The following TG variants were observed in gnomAD, a reference collection of about 807,000 sequenced individuals.
The protein encoded by TG is thyroglobulin.
Under a neutral mutation model 324.7 loss-of-function variants are expected in TG, and 270 were observed. That is an observed-to-expected ratio of 0.83 (90% CI 0.75 to 0.92). The LOEUF is 0.92. TG is among the 40% of genes least tolerant of loss of function. The pLI is 0.00. For missense variants in TG, 3,591 were observed against 3,456.4 expected (o/e 1.04, Z -0.98); for synonymous variants, 1,401 against 1,327.0 (o/e 1.06, Z -1.21).
At chr8:133,071,123 T>C (rs1048516955) in intron 41 of TG, among the ~76,000 whole-genome samples, 3 of 152,152 alleles carry the variant, frequency 2.0e-5, no homozygotes, top group Non-Finnish European at 4.4e-5. Context: ...GTGCCGTCCC[T>C]TGATGAGGCT....
intron 41 of TG, among the ~76,000 whole-genome samples, chr8:133,083,043 T>A (rs989594841): frequency 2.6e-5 from 4 of 152,190 alleles, no homozygotes; most frequent in African/African-American, 9.6e-5. Context: ...GGGAGAGCGA[T>A]GAGTAGGCAG....
At chr8:132,922,130 A>AAGAAACGTG (rs1821193901) in intron 21 of TG, among the ~76,000 whole-genome samples, 1 of 152,244 alleles carries the variant, frequency 6.6e-6, no homozygotes, top group South Asian at 2.1e-4. Context: ...TGACAGAGAA[A>AAGAAACGTG]AGAAACGTGT....
At chr8:132,961,198 G>A (rs1827711653) in intron 28 of TG, 125 bp downstream of exon 28, 2 of 970,620 alleles carry the variant, frequency 2.1e-6, no homozygotes, top group Admixed American at 3.9e-5. Flanking sequence ...CTTTCCAAAT[G>A]CATACTTTCT....
chr8:133,029,284 A>G (rs1836397092), intron 40 of TG, among the ~76,000 whole-genome samples: 1 of 152,188 alleles, frequency 6.6e-6, no homozygotes, highest in South Asian at 2.1e-4. Flanking sequence ...ATTCTATGAA[A>G]AAGGAAAGAG....
intron 40 of TG, among the ~76,000 whole-genome samples, chr8:133,027,571 T>C (rs1051199598): frequency 2.0e-5 from 3 of 152,202 alleles, no homozygotes. Context: ...GATAGCCTCA[T>C]GGCCCATCTT....
At chr8:132,878,631 A>AG (rs1563897332) in intron 5 of TG, among the ~76,000 whole-genome samples, 2 of 151,492 alleles carry the variant, frequency 1.3e-5, no homozygotes. Flanking sequence ...CAAAAAAAAA[A>AG]CAAAAAGTGT....
At chr8:133,126,267 A>G (rs1295610410) in intron 45 of TG, among the ~76,000 whole-genome samples, 2 of 152,226 alleles carry the variant, frequency 1.3e-5, no homozygotes, top group Admixed American at 1.3e-4. Flanking sequence ...TCTGGGATCC[A>G]TGAAAATGGA....
intron 41 of TG, among the ~76,000 whole-genome samples, chr8:133,036,152 T>TG (rs1290357016): frequency 4.6e-5 from 7 of 152,244 alleles, no homozygotes; most frequent in Non-Finnish European, 2.9e-5. Flanking sequence ...CTGCTCATCT[T>TG]TCAGGCCTCA....
intron 28 of TG, among the ~76,000 whole-genome samples, chr8:132,962,183 G>T (rs1258716136): frequency 6.6e-6 from 1 of 152,078 alleles, no homozygotes; most frequent in Non-Finnish European, 1.5e-5. Context: ...AAAATGAAAA[G>T]GAAGGTGTTT....
At chr8:133,022,258 A>G (rs747390454) in intron 40 of TG, 108 bp downstream of exon 40, 20 of 1,486,904 alleles carry the variant, frequency 1.3e-5, no homozygotes, top group Non-Finnish European at 1.8e-5. Context: ...CAGCCAAGCT[A>G]GGCACACAGT....
At chr8:132,905,056 C>T (rs1194487208) in intron 16 of TG, among the ~76,000 whole-genome samples, 1 of 152,154 alleles carries the variant, frequency 6.6e-6, no homozygotes, top group Non-Finnish European at 1.5e-5. Context: ...TTGTGGGGAA[C>T]ATTATATGAA....
At chr8:132,945,682 G>C (rs751555972) in intron 26 of TG, among the ~76,000 whole-genome samples, 2 of 152,148 alleles carry the variant, frequency 1.3e-5, no homozygotes, top group Non-Finnish European at 2.9e-5. Context: ...AGCTGATCTT[G>C]ATGAACAGCT....
Position 132,971,823 on chromosome 8 carries a change from C to T in TG, c.6005C>T (p.Ala2002Val), listed in dbSNP as rs750388959. 55 of 1,613,454 alleles carry T rather than the reference C, an allele frequency of 3.4e-5. 1 individual carries two copies. The Middle Eastern group carries it at 1.3e-3, about 39-fold the overall frequency. Residue 2002 changes from alanine (A) to valine (V), a missense_variant, in exon 33 of 48, where the codon GCG (alanine) becomes GTG (valine). Coordinates refer to ENST00000220616, the MANE Select transcript of TG (RefSeq NM_003235.5). ...GFFECERRCD[A>V]DPCCTGFGFL... The stretch of plus-strand genomic sequence containing the variant: ...TTTGAATGTGAACGACGGTGCGATG[C>T]GGACCCATGCTGCACTGGCTTTGGA...
rs1839309287 is a variant in TG, at chr8:132,869,793, C to T, written c.241C>T (p.Leu81=). Residue 81 remains leucine (L), a synonymous_variant, in exon 3 of 48, where the codon CTG becomes TTG. Coordinates refer to ENST00000220616, the MANE Select transcript of TG (RefSeq NM_003235.5). ...TGTGGGTGCCAACGGCAGTGAAGTG[C>T]TGGGCAGCAGGCAGCCAGGACGGCC... ...WCVGANGSEV[L]GSRQPGRPVA... 3.1e-6 allele frequency: 5 copies of T among 1,614,128 alleles called. No individual in the cohort carries two copies. The East Asian group carries it at 1.1e-4, about 36-fold the overall frequency.
rs1457423534 is a variant in TG at position 132,941,343 on chromosome 8, TC to T, written c.5042-3del. 1.2e-6 allele frequency: 2 copies of T among 1,614,040 alleles called. No individual in the cohort carries two copies. Among genetic ancestry groups the T allele is most frequent in the African/African-American group, 2.7e-5 (2 of 74,912 alleles). ...GTCTTTTAAAATTTTGTTCTGCCTT[TC>T]CCCCAGGCCAAGGATCCACCACAAC... On this transcript the variant is annotated splice_polypyrimidine_tract_variant and splice_region_variant and intron_variant, in intron 25 of 47. Coordinates refer to ENST00000220616, the MANE Select transcript of TG (RefSeq NM_003235.5).
chr8:132,975,480 A>G (rs1395663949), intron 34 of TG, among the ~76,000 whole-genome samples: 1 of 152,134 alleles, frequency 6.6e-6, no homozygotes, highest in Non-Finnish European at 1.5e-5. Context: ...TTTCCAGCAT[A>G]TATTCTGTGG....
intron 41 of TG, among the ~76,000 whole-genome samples, chr8:133,055,413 A>G (rs924584758): frequency 1.3e-5 from 2 of 151,644 alleles, no homozygotes; most frequent in Admixed American, 1.3e-4. Context: ...ACACAGGATT[A>G]TACATGCAAC....
rs1298373296 is a variant in TG at position 132,995,912 on chromosome 8, A to G, written c.6262+12500A>G. 2.6e-5 allele frequency among the ~76,000 whole-genome samples: 4 copies of G among 152,346 alleles called. No individual in the cohort carries two copies. The East Asian group carries it at 7.7e-4, about 29-fold the overall frequency. On this transcript the variant is annotated intron_variant, in intron 35 of 47. Transcript: ENST00000220616. ...ATTAAAGATGGTTACCCACCAACAC[A>G]CAAGCTCATAAACTGAACAGATGCT... is the stretch of plus-strand genomic sequence containing the variant.
intron 41 of TG, among the ~76,000 whole-genome samples, chr8:133,080,650 AT>A (rs1259251434): frequency 6.6e-6 from 1 of 152,014 alleles, no homozygotes; most frequent in Non-Finnish European, 1.5e-5. Context: ...AAGCTCATCA[AT>A]CTGTTCTCCA....
Sources: gnomAD v4.1 joint callset for allele counts (sites outside exome capture counted in the v4.1 genomes callset) on GRCh38, gnomAD v4.1.1 for gene constraint, MANE v1.5 for transcripts, NCBI Gene and HGNC (gene_info 2026-07-23, HGNC 2026-07-21) for gene names.